Variants in PRELID2 observed in about 807,000 individuals in gnomAD.
PRELID2 encodes PRELI domain containing 2.
PRELID2 carries 25 observed loss-of-function variants against 28.4 expected under a neutral mutation model. The observed-to-expected ratio is 0.88, with a 90% CI of 0.64 to 1.23. The LOEUF is 1.23. PRELID2 is among the 50% of genes most tolerant of loss of function. PRELID2 has a pLI of 0.00. For synonymous variants in PRELID2, 76 were observed against 71.6 expected (o/e 1.06, Z -0.31); for missense variants, 201 against 214.4 (o/e 0.94, Z 0.39).
At chr5:145,257,993 C>T in the PRELID2 span, among the ~76,000 whole-genome samples, 6 of 152,258 alleles carry the variant, frequency 3.9e-5, no homozygotes, top group East Asian at 1.2e-3. Flanking sequence ...TAAAAGTATG[C>T]AGCACATCCC....
At chr5:145,331,545 G>C in the PRELID2 span, among the ~76,000 whole-genome samples, 1 of 151,950 alleles carries the variant, frequency 6.6e-6, no homozygotes, top group African/African-American at 2.4e-5. Flanking sequence ...TGTCTTTTTG[G>C]ATGTTTGTTG....
chr5:145,674,098 G>T (rs576542926), intron 1 of PRELID2, among the ~76,000 whole-genome samples: 1 of 152,100 alleles, frequency 6.6e-6, no homozygotes, highest in Admixed American at 6.6e-5. Flanking sequence ...TAGGAGGGGG[G>T]ATCCTAGCCC....
the PRELID2 span, among the ~76,000 whole-genome samples, chr5:145,386,522 C>G: frequency 1.9e-4 from 29 of 152,136 alleles, no homozygotes; most frequent in Non-Finnish European, 3.8e-4. Context: ...CCTTCCCCTT[C>G]CATCATGATT....
intron 1 of PRELID2, among the ~76,000 whole-genome samples, chr5:145,702,771 A>T (rs1002679377): frequency 6.6e-6 from 1 of 152,142 alleles, no homozygotes; most frequent in Non-Finnish European, 1.5e-5. Flanking sequence ...ATCTTAAGTG[A>T]TACAGACTAA....
At chr5:145,498,692 C>T (rs1752329084) in intron 1 of PRELID2, among the ~76,000 whole-genome samples, 3 of 152,052 alleles carry the variant, frequency 2.0e-5, no homozygotes, top group Admixed American at 2.0e-4. Flanking sequence ...CCATGCCCAG[C>T]TATGGTATTT....
chr5:145,514,742 T>A (rs181554381), intron 1 of PRELID2, among the ~76,000 whole-genome samples: 2 of 152,002 alleles, frequency 1.3e-5, no homozygotes, highest in African/African-American at 2.4e-5. Context: ...TACCATATAA[T>A]TGGAAGTAAA....
At chr5:145,258,582 A>G in the PRELID2 span, among the ~76,000 whole-genome samples, 2 of 152,324 alleles carry the variant, frequency 1.3e-5, no homozygotes, top group Non-Finnish European at 2.9e-5. Context: ...GGGTATCTGT[A>G]GAACAAATTT....
chr5:145,470,755 T>G (rs115251297), downstream of PRELID2, among the ~76,000 whole-genome samples: 756 of 152,142 alleles, frequency 5.0e-3, 9 homozygotes, highest in African/African-American at 0.017. Context: ...CAAATGGAAT[T>G]GCAAGATCTG....
intron 1 of PRELID2, among the ~76,000 whole-genome samples, chr5:145,480,520 T>C (rs998883961): frequency 6.6e-6 from 1 of 152,210 alleles, no homozygotes; most frequent in Admixed American, 6.5e-5. Context: ...TAAATATGTG[T>C]ATGTAAGTGT....
intron 1 of PRELID2, among the ~76,000 whole-genome samples, chr5:145,614,682 A>C (rs1753669253): frequency 6.6e-6 from 1 of 152,196 alleles, no homozygotes; most frequent in Non-Finnish European, 1.5e-5. Context: ...TTAATCTTGT[A>C]TCCAGAAACT....
At chr5:145,255,468 G>A in the PRELID2 span, among the ~76,000 whole-genome samples, 1 of 151,960 alleles carries the variant, frequency 6.6e-6, no homozygotes. Context: ...TCAGAGAACT[G>A]GAATACAGTG....
chr5:145,506,087 A>G (rs1752408257), intron 1 of PRELID2, among the ~76,000 whole-genome samples: 1 of 152,158 alleles, frequency 6.6e-6, no homozygotes, highest in Admixed American at 6.5e-5. Flanking sequence ...TTTAAAATTT[A>G]AGAGAGTAGA....
chr5:145,633,639 G>A (rs1381514092), intron 1 of PRELID2, among the ~76,000 whole-genome samples: 7 of 152,220 alleles, frequency 4.6e-5, no homozygotes, highest in African/African-American at 1.7e-4. Context: ...CCAATATCAT[G>A]CTGTTTGCTA....
chr5:145,512,196 C>T (rs1327205403), intron 1 of PRELID2, among the ~76,000 whole-genome samples: 1 of 151,808 alleles, frequency 6.6e-6, no homozygotes, highest in Non-Finnish European at 1.5e-5. Context: ...CAGGCTGCAG[C>T]TCCCAGCGAG....
intron 1 of PRELID2, among the ~76,000 whole-genome samples, chr5:145,532,125 C>CT (rs1291297322): frequency 1.3e-5 from 2 of 152,020 alleles, no homozygotes; most frequent in Non-Finnish European, 2.9e-5. Context: ...TCTGTCTTGC[C>CT]TTACGTCTCT....
chr5:145,232,608 G>T, the PRELID2 span, among the ~76,000 whole-genome samples: 5 of 152,110 alleles, frequency 3.3e-5, no homozygotes, highest in African/African-American at 1.2e-4. Context: ...ATATTTTTGT[G>T]TCTCAACTAG....
At chr5:145,595,609 A>G (rs1753294181) in intron 1 of PRELID2, among the ~76,000 whole-genome samples, 1 of 152,142 alleles carries the variant, frequency 6.6e-6, no homozygotes, top group African/African-American at 2.4e-5. Flanking sequence ...TTCCATGTCT[A>G]TTAGAAAAAT....
downstream of PRELID2, among the ~76,000 whole-genome samples, chr5:145,467,476 A>C (rs1490192716): frequency 6.6e-6 from 1 of 152,180 alleles, no homozygotes; most frequent in Non-Finnish European, 1.5e-5. Flanking sequence ...CTAGACCTAA[A>C]GTATATTTCA....
intron 4 of PRELID2, among the ~76,000 whole-genome samples, chr5:145,815,207 C>A (rs1754217007): frequency 6.6e-6 from 1 of 152,124 alleles, no homozygotes; most frequent in African/African-American, 2.4e-5. Context: ...ATCTGCAAAC[C>A]AAAAATATGG....
Sources: gnomAD v4.1 joint callset for allele counts (sites outside exome capture counted in the v4.1 genomes callset) on GRCh38, gnomAD v4.1.1 for gene constraint, MANE v1.5 for transcripts, NCBI Gene and HGNC (gene_info 2026-07-23, HGNC 2026-07-21) for gene names.